The following SPAG9 variants were observed in gnomAD, a reference collection of about 807,000 sequenced individuals.
SPAG9 encodes the protein sperm associated antigen 9.
A neutral mutation model predicts 166.5 loss-of-function variants in SPAG9; 35 were observed. The observed-to-expected ratio is 0.21, with a 90% CI of 0.16 to 0.28. The LOEUF (loss-of-function observed/expected upper bound fraction) is 0.28. Among genes scored for constraint, SPAG9 ranks in the 10% least tolerant of loss-of-function variants. The pLI is 1.00. For missense variants in SPAG9, 1,235 were observed against 1,603.3 expected, an observed-to-expected ratio of 0.77 and a Z score of 3.92; for synonymous variants, 534 against 565.5, an observed-to-expected ratio of 0.94 and a Z score of 0.79.
intron 2 of SPAG9, among the ~76,000 whole-genome samples, chr17:51,078,962 A>G (rs949518909): frequency 2.0e-5 from 3 of 152,124 alleles, no homozygotes; most frequent in African/African-American, 7.2e-5. Flanking sequence ...AAATAGAGGA[A>G]ATGATCCACA....
Position 51,007,280 on chromosome 17 carries a change from C to T in SPAG9, c.1260G>A (p.Leu420=). 6.4e-7 allele frequency: 1 copy of T among 1,574,686 alleles called. No homozygotes were observed. The highest frequency in any genetic ancestry group is 8.7e-7 in the Non-Finnish European group (1 of 1,154,534). The change falls in exon 10 of 30, where the codon CTG becomes CTA. Residue 420 remains leucine, a synonymous_variant. Coordinates refer to ENST00000262013, the MANE Select transcript of SPAG9 (RefSeq NM_001130528.3). The stretch of plus-strand genomic sequence containing the variant: ...TCACATATACTTACTTGGTTTCCAA[C>T]AGTTGTGTATTTTCTAATATAAGAT... ...VENLILENTQ[L]LETKNALNIV...
At chr17:51,061,938 TTCTCTAACCA>T (rs2047530630) in intron 2 of SPAG9, among the ~76,000 whole-genome samples, 1 of 152,212 alleles carries the variant, frequency 6.6e-6, no homozygotes, top group Non-Finnish European at 1.5e-5. Flanking sequence ...TATCAATCCA[TTCTCTAACCA>T]TCTCTTTCAA....
At chr17:50,982,455 A>G in intron 25 of SPAG9, 69 bp downstream of exon 25, 1 of 1,379,864 alleles carries the variant, frequency 7.2e-7, no homozygotes, top group Non-Finnish European at 9.8e-7. Flanking sequence ...AGCTGAAAAT[A>G]ATTATAGTCT....
chr17:51,017,742 T>C (rs530371005), intron 8 of SPAG9, among the ~76,000 whole-genome samples: 33 of 152,290 alleles, frequency 2.2e-4, no homozygotes, highest in Non-Finnish European at 4.0e-4. Context: ...ATTTATTGAA[T>C]GGGGCATTTT....
intron 15 of SPAG9, among the ~76,000 whole-genome samples, chr17:50,997,604 C>T (rs1033185204): frequency 1.6e-4 from 24 of 152,226 alleles, no homozygotes; most frequent in African/African-American, 5.8e-4. Flanking sequence ...AGATGAGTTG[C>T]TATGTATATA....
intron 13 of SPAG9, among the ~76,000 whole-genome samples, chr17:51,001,062 G>A (rs1400867079): frequency 2.0e-5 from 3 of 152,164 alleles, no homozygotes; most frequent in Admixed American, 2.0e-4. Context: ...GTAAAAGTTG[G>A]CAATTAGAGA....
chr17:50,985,994 T>C (rs1210139199), intron 22 of SPAG9, among the ~76,000 whole-genome samples: 1 of 152,246 alleles, frequency 6.6e-6, no homozygotes, highest in Non-Finnish European at 1.5e-5. Context: ...GAAAAACATA[T>C]GAAGACTGAA....
In SPAG9 at chr17:51,120,349, C is replaced by T. The variant is rs1396578834; in HGVS notation, c.303+5G>A. On this transcript the variant is annotated splice_donor_5th_base_variant and intron_variant, in intron 1 of 29. Coordinates refer to ENST00000262013, the MANE Select transcript of SPAG9 (RefSeq NM_001130528.3). This position sits in a 1 kb window ranked among gnomAD's most constrained non-coding sequence, Gnocchi z 4.7. ...CCGCGGCCCCCGCCCTGCCGCCGGC[C>T]TCACCTCCTCAGCGTGCTTGCGCAG... 2.5e-6 allele frequency: 4 copies of T among 1,569,460 alleles called. No homozygotes were observed. Among genetic ancestry groups the T allele is most frequent in the East Asian group, 2.4e-5 (1 of 42,532 alleles).
chr17:51,002,753 T>C (rs2045014265), intron 12 of SPAG9, among the ~76,000 whole-genome samples: 1 of 151,240 alleles, frequency 6.6e-6, no homozygotes, highest in South Asian at 2.1e-4. Flanking sequence ...TGCAATCCTG[T>C]CTTTAAAAAA....
At chr17:51,062,771 G>A (rs564860413) in intron 2 of SPAG9, among the ~76,000 whole-genome samples, 7 of 152,144 alleles carry the variant, frequency 4.6e-5, no homozygotes, top group African/African-American at 1.7e-4. Context: ...TTGTATTTTA[G>A]TAGACACAGG....
At chr17:51,060,001 T>C (rs988043382) in intron 2 of SPAG9, among the ~76,000 whole-genome samples, 1 of 152,150 alleles carries the variant, frequency 6.6e-6, no homozygotes, top group Admixed American at 6.6e-5. Context: ...TCCGATCTCA[T>C]TTTTAAAAGG....
chr17:51,022,110 T>C (rs573602806), intron 6 of SPAG9, among the ~76,000 whole-genome samples: 6 of 124,226 alleles, frequency 4.8e-5, no homozygotes, highest in Non-Finnish European at 9.4e-5. Flanking sequence ...GCAACGGAGC[T>C]AGACTCCATC....
intron 1 of SPAG9, among the ~76,000 whole-genome samples, chr17:51,091,499 T>G (rs2048464562): frequency 6.6e-6 from 1 of 151,862 alleles, no homozygotes; most frequent in Admixed American, 6.6e-5. Context: ...TTTTTTGTTG[T>G]TGTTGTTGTT....
intron 1 of SPAG9, among the ~76,000 whole-genome samples, chr17:51,096,584 T>C (rs1224696383): frequency 6.6e-6 from 1 of 152,150 alleles, no homozygotes; most frequent in Non-Finnish European, 1.5e-5. Flanking sequence ...ATTTCTAAAA[T>C]ATATACTTTG....
intron 23 of SPAG9, 137 bp from the exon 24 acceptor site, chr17:50,985,127 C>A: frequency 1.5e-6 from 1 of 679,564 alleles, no homozygotes. Flanking sequence ...TATAAATGAA[C>A]ACACCACTTT....
chr17:50,995,108 T>C lies in SPAG9; in HGVS notation c.2175A>G (p.Lys725=). 2.5e-6 allele frequency: 4 copies of C among 1,614,100 alleles called. No individual in the cohort carries two copies. Among genetic ancestry groups the C allele is most frequent in the Non-Finnish European group, 2.5e-6 (3 of 1,179,970 alleles). Residue 725 remains lysine, a synonymous_variant, in exon 18 of 30, where the codon AAA becomes AAG. Coordinates refer to ENST00000262013, the MANE Select transcript of SPAG9 (RefSeq NM_001130528.3). ...DVAGLDTEGS[K]QRSASQSSLD... ...AACTACTCTGAGAGGCACTTCGCTG[T>C]TTACTGCCTTCTGTATCCAAACCAG... is the stretch of plus-strand genomic sequence containing the variant.
intron 2 of SPAG9, among the ~76,000 whole-genome samples, chr17:51,064,791 A>AACCGCTG (rs2047614305): frequency 6.6e-6 from 1 of 152,130 alleles, no homozygotes; most frequent in African/African-American, 2.4e-5. Context: ...ACAACCTTGA[A>AACCGCTG]AATTGTACTA....
At chr17:51,087,925 A>G (rs1008778004) in intron 1 of SPAG9, among the ~76,000 whole-genome samples, 8 of 151,894 alleles carry the variant, frequency 5.3e-5, no homozygotes, top group African/African-American at 1.9e-4. Flanking sequence ...TCTTATTTTT[A>G]GTAGAGACAA....
chr17:51,035,161 A>T (rs942862270), intron 5 of SPAG9, among the ~76,000 whole-genome samples: 1 of 152,134 alleles, frequency 6.6e-6, no homozygotes, highest in Non-Finnish European at 1.5e-5. Flanking sequence ...AATTTTTTTT[A>T]AAAAAGCAAT....
Sources: gnomAD v4.1 joint callset for allele counts (sites outside exome capture counted in the v4.1 genomes callset) on GRCh38, gnomAD v4.1.1 for gene constraint, Gnocchi (gnomAD v3.1) non-coding constraint, MANE v1.5 for transcripts, NCBI Gene and HGNC (gene_info 2026-07-23, HGNC 2026-07-21) for gene names.